The following PTPRN2 variants were observed in gnomAD, a reference collection of about 807,000 sequenced individuals.
PTPRN2 encodes receptor-type tyrosine-protein phosphatase N2.
Under a neutral mutation model 118.8 loss-of-function variants are expected in PTPRN2, and 74 were observed. The observed-to-expected ratio is 0.62, with a 90% CI of 0.52 to 0.76. The LOEUF is 0.76. Ranked by LOEUF, PTPRN2 falls within the 30% of genes least tolerant of loss-of-function variation. PTPRN2 has a pLI of 0.00. For missense variants in PTPRN2, 1,481 were observed against 1,394.4 expected (o/e 1.06, Z -0.99); for synonymous variants, 641 against 608.0 (o/e 1.05, Z -0.80).
chr7:158,147,653 A>ACGCCACACG (rs1820281234), intron 6 of PTPRN2, among the ~76,000 whole-genome samples: 1 of 97,168 alleles, frequency 1.0e-5, no homozygotes, highest in Non-Finnish European at 1.9e-5. Context: ...ACCCCATCTC[A>ACGCCACACG]TGCCACGTGT....
chr7:157,727,105 G>A (rs1585317558), intron 12 of PTPRN2, among the ~76,000 whole-genome samples: 1 of 152,228 alleles, frequency 6.6e-6, no homozygotes, highest in East Asian at 1.9e-4. Context: ...AATTCCCATA[G>A]GAGCCGGCAG....
At chr7:158,405,357 T>A (rs1277691554) in intron 2 of PTPRN2, among the ~76,000 whole-genome samples, 2 of 152,146 alleles carry the variant, frequency 1.3e-5, no homozygotes, top group Non-Finnish European at 2.9e-5. Context: ...CGATGTTAGC[T>A]CCAAGCAGAG....
At chr7:157,741,785 C>T (rs1800647973) in intron 12 of PTPRN2, among the ~76,000 whole-genome samples, 1 of 152,214 alleles carries the variant, frequency 6.6e-6, no homozygotes, top group African/African-American at 2.4e-5. Flanking sequence ...ATCTCCTGGG[C>T]TTCTGTCCTC....
chr7:157,845,880 G>A lies in PTPRN2; in HGVS notation c.1788+52793C>T, dbSNP rs1808771558. 6.6e-6 allele frequency among the ~76,000 whole-genome samples: 1 copy of A among 152,166 alleles called. No individual in the cohort carries two copies. Among genetic ancestry groups the A allele is most frequent in the South Asian group, 2.1e-4 (1 of 4,826 alleles). On this transcript the variant is annotated intron_variant, in intron 12 of 22. Coordinates refer to ENST00000389418, the MANE Select transcript of PTPRN2 (RefSeq NM_002847.5). This position sits in a 1 kb window ranked among gnomAD's most constrained non-coding sequence, Gnocchi z 4.5. ...AAAACACAAAAATTAACCCCAGGCA[G>A]ATTAAAGCCTAAATGGGGGGAAAAA...
At chr7:157,604,762 G>C (rs898848078) in intron 15 of PTPRN2, among the ~76,000 whole-genome samples, 1 of 152,216 alleles carries the variant, frequency 6.6e-6, no homozygotes, top group Non-Finnish European at 1.5e-5. Flanking sequence ...GTAACCTGAC[G>C]GCTGCTGAAG....
At chr7:158,535,482 A>G (rs968838703) in intron 1 of PTPRN2, among the ~76,000 whole-genome samples, 1 of 152,172 alleles carries the variant, frequency 6.6e-6, no homozygotes, top group Admixed American at 6.5e-5. Flanking sequence ...CTCCTGATAC[A>G]GAACTGTGTC....
intron 4 of PTPRN2, among the ~76,000 whole-genome samples, chr7:158,194,079 C>T (rs1200779556): frequency 2.0e-5 from 3 of 151,284 alleles, no homozygotes; most frequent in Admixed American, 2.0e-4. Context: ...AGAGGAAGAC[C>T]CTGTTTCAAC....
intron 14 of PTPRN2, among the ~76,000 whole-genome samples, chr7:157,635,095 G>A (rs1022298858): frequency 3.3e-5 from 5 of 152,232 alleles, no homozygotes; most frequent in African/African-American, 1.2e-4. Context: ...CCAACGCCAC[G>A]TATATTGAGT....
intron 3 of PTPRN2, among the ~76,000 whole-genome samples, chr7:158,298,164 T>C (rs1040225160): frequency 6.6e-6 from 1 of 152,232 alleles, no homozygotes; most frequent in African/African-American, 2.4e-5. Context: ...GACCCAGAGA[T>C]ATTTCTGCTG....
chr7:158,004,031 A>C (rs1805471930), intron 11 of PTPRN2, among the ~76,000 whole-genome samples: 1 of 152,064 alleles, frequency 6.6e-6, no homozygotes, highest in African/African-American at 2.4e-5. Flanking sequence ...CGGCTCTCGG[A>C]TGGGAGCAGC....
At chr7:158,175,262 A>G (rs1824083732) in intron 5 of PTPRN2, among the ~76,000 whole-genome samples, 1 of 152,204 alleles carries the variant, frequency 6.6e-6, no homozygotes, top group Admixed American at 6.5e-5. Flanking sequence ...GACAAAGCAC[A>G]CAGCCTCAGT....
At chr7:158,043,287 C>T (rs1443801927) in intron 11 of PTPRN2, among the ~76,000 whole-genome samples, 3 of 152,194 alleles carry the variant, frequency 2.0e-5, no homozygotes, top group Non-Finnish European at 4.4e-5. Flanking sequence ...GTTTTAATCC[C>T]ATGGACAGAA....
intron 21 of PTPRN2, among the ~76,000 whole-genome samples, chr7:157,565,060 G>A (rs148524531): frequency 1.1e-3 from 168 of 152,326 alleles, no homozygotes; most frequent in Non-Finnish European, 2.0e-3. Context: ...TCACGGAAGC[G>A]CAGACGCGGT....
intron 2 of PTPRN2, among the ~76,000 whole-genome samples, chr7:158,320,180 GCCTCCCTCGTACACACACAGC>G (rs1431476332): frequency 0.022 from 2,383 of 106,072 alleles, 75 homozygotes; most frequent in African/African-American, 0.09. Flanking sequence ...TACACACACA[GCCTCCCTCGTACACACACAGC>G]CTCCCTCACA....
intron 2 of PTPRN2, among the ~76,000 whole-genome samples, chr7:158,472,203 C>G (rs1819911832): frequency 6.6e-6 from 1 of 152,340 alleles, no homozygotes. Flanking sequence ...AATCTAGAAC[C>G]TGCATCTTAA....
At chr7:158,205,322 C>A in intron 3 of PTPRN2, 49 bp from the exon 4 acceptor site, 1 of 1,383,160 alleles carries the variant, frequency 7.2e-7, no homozygotes, top group Non-Finnish European at 1.0e-6. Flanking sequence ...GAAATTTAGC[C>A]AAAGCTCTTG....
chr7:157,809,686 C>T (rs750332197), intron 12 of PTPRN2, among the ~76,000 whole-genome samples: 1 of 152,166 alleles, frequency 6.6e-6, no homozygotes, highest in Non-Finnish European at 1.5e-5. Context: ...AAGGAGCCCC[C>T]GGCATTGCCA....
chr7:157,560,809 A>G lies in PTPRN2; in HGVS notation c.2902+8093T>C, dbSNP rs962275044. Among the ~76,000 whole-genome samples the G allele has an allele frequency of 6.6e-6, 1 of 152,138 alleles. No homozygotes were observed. Among genetic ancestry groups the G allele is most frequent in the Non-Finnish European group, 1.5e-5 (1 of 68,012 alleles). ...ACACTGCGGGCCCAACGTGTCTGTG[A>G]GGTCCCTTTCCCACTGGCCCTTCGT... On this transcript the variant is annotated intron_variant, in intron 21 of 22. Transcript: ENST00000389418. The surrounding 1 kb of genome is among the most constrained non-coding windows in gnomAD (Gnocchi z 6.7).
At position 158,018,882 on chromosome 7, in the gene PTPRN2, A is replaced by G. The variant is rs964123562; in HGVS notation, c.1723+62416T>C. On this transcript the variant is annotated intron_variant, in intron 11 of 22. Transcript: ENST00000389418. The stretch of plus-strand genomic sequence containing the variant: ...AGGCTGAGGCAGGAGAATCATTTGA[A>G]CCCAGGGGCAGAGGTTGCAGTGAGC... 1.9e-4 allele frequency among the ~76,000 whole-genome samples: 28 copies of G among 149,576 alleles called. No homozygotes were observed. In the South Asian group the frequency reaches 2.1e-3, roughly 11 times the overall value.
Sources: gnomAD v4.1 joint callset for allele counts (sites outside exome capture counted in the v4.1 genomes callset) on GRCh38, gnomAD v4.1.1 for gene constraint, Gnocchi (gnomAD v3.1) non-coding constraint, MANE v1.5 for transcripts, NCBI Gene and HGNC (gene_info 2026-07-23, HGNC 2026-07-21) for gene names.